The following KCNH1 variants were observed in gnomAD, a reference collection of about 807,000 sequenced individuals.
KCNH1 encodes the protein voltage-gated delayed rectifier potassium channel KCNH1.
KCNH1 carries 27 observed loss-of-function variants against 69.2 expected under a neutral mutation model. That is an observed-to-expected ratio of 0.39 (90% CI 0.29 to 0.54). The LOEUF is 0.54. Among genes scored for constraint, KCNH1 ranks in the 20% least tolerant of loss-of-function variants. The pLI, the probability that KCNH1 is intolerant of heterozygous loss-of-function variation, is 0.68. For missense variants in KCNH1, 798 were observed against 1,261.6 expected (o/e 0.63, Z 5.57); for synonymous variants, 456 against 487.7 (o/e 0.93, Z 0.86).
chr1:210,853,099 C>A (rs1462367198), intron 7 of KCNH1, among the ~76,000 whole-genome samples: 1 of 152,090 alleles, frequency 6.6e-6, no homozygotes, highest in African/African-American at 2.4e-5. Flanking sequence ...TAATGTTTGG[C>A]GGCTATGGTA....
At chr1:211,113,009 G>C (rs1405178538) in intron 1 of KCNH1, among the ~76,000 whole-genome samples, 1 of 152,158 alleles carries the variant, frequency 6.6e-6, no homozygotes, top group East Asian at 1.9e-4. Context: ...TGAGATTTTA[G>C]ATATTAATAA....
intron 7 of KCNH1, among the ~76,000 whole-genome samples, chr1:210,805,121 A>T (rs1684521025): frequency 6.6e-6 from 1 of 152,172 alleles, no homozygotes; most frequent in Non-Finnish European, 1.5e-5. Flanking sequence ...TATAGAACTC[A>T]TATTACACCA....
intron 7 of KCNH1, among the ~76,000 whole-genome samples, chr1:210,836,329 T>C (rs1685282505): frequency 6.6e-6 from 1 of 152,148 alleles, no homozygotes; most frequent in Non-Finnish European, 1.5e-5. Flanking sequence ...TAATTATTTG[T>C]GCTGAAATCT....
chr1:211,078,927 A>G (rs1690791225), intron 5 of KCNH1, among the ~76,000 whole-genome samples: 1 of 150,452 alleles, frequency 6.6e-6, no homozygotes, highest in Non-Finnish European at 1.5e-5. Flanking sequence ...CAAAAAAAAA[A>G]AAAAAAAAAA....
chr1:211,102,537 G>GCCAGTGCAAATCTCTCAGA (rs1228543450), intron 3 of KCNH1, among the ~76,000 whole-genome samples: 1 of 152,080 alleles, frequency 6.6e-6, no homozygotes, highest in African/African-American at 2.4e-5. Flanking sequence ...CTTGTGGATG[G>GCCAGTGCAAATCTCTCAGA]CCAGTGCAAA....
At chr1:210,706,369 T>C (rs757702448) in intron 10 of KCNH1, among the ~76,000 whole-genome samples, 12 of 152,230 alleles carry the variant, frequency 7.9e-5, no homozygotes, top group Non-Finnish European at 1.6e-4. Context: ...TAACCTTTAA[T>C]ATTTGCAGGA....
Position 210,683,272 on chromosome 1 carries a change from A to G in KCNH1, c.*9T>C, listed in dbSNP as rs1223083505. 3.1e-6 allele frequency: 5 copies of G among 1,606,864 alleles called. No homozygotes were observed. The highest frequency in any genetic ancestry group is 1.1e-5 in the South Asian group (1 of 90,316). Reference sequence around the variant, plus strand: ...TATCTGTCTCTGACTTTTTTTTTAAATAGACCTCTCAGCTGGCTCCAAAAA... The same window carrying G: ...TATCTGTCTCTGACTTTTTTTTTAAGTAGACCTCTCAGCTGGCTCCAAAAA... On this transcript the variant is annotated 3_prime_UTR_variant, in exon 11 of 11. Coordinates refer to ENST00000271751, the MANE Select transcript of KCNH1 (RefSeq NM_172362.3). The surrounding 1 kb of genome is among the most constrained non-coding windows in gnomAD (Gnocchi z 5.7).
intron 5 of KCNH1, among the ~76,000 whole-genome samples, chr1:211,027,915 G>A (rs901710635): frequency 5.9e-5 from 9 of 152,100 alleles, no homozygotes; most frequent in Middle Eastern, 3.2e-3. Flanking sequence ...AACTAGCAAA[G>A]ATATAGAAGA....
intron 6 of KCNH1, among the ~76,000 whole-genome samples, chr1:211,009,257 C>T (rs931530490): frequency 6.6e-6 from 1 of 152,126 alleles, no homozygotes; most frequent in Non-Finnish European, 1.5e-5. Flanking sequence ...CCTTTGACAA[C>T]AACAGTTACA....
At chr1:210,916,550 T>C (rs1290159351) in intron 7 of KCNH1, among the ~76,000 whole-genome samples, 1 of 152,206 alleles carries the variant, frequency 6.6e-6, no homozygotes, top group African/African-American at 2.4e-5. Context: ...GGGGTCTGTG[T>C]TGTTAGACCA....
At chr1:211,118,186 G>A (rs1691618130) in intron 1 of KCNH1, among the ~76,000 whole-genome samples, 1 of 152,180 alleles carries the variant, frequency 6.6e-6, no homozygotes, top group Non-Finnish European at 1.5e-5. Context: ...ATGCCTAAAT[G>A]TGTCTTTGAA....
At chr1:210,854,666 G>A (rs1009259124) in intron 7 of KCNH1, among the ~76,000 whole-genome samples, 3 of 152,194 alleles carry the variant, frequency 2.0e-5, no homozygotes, top group African/African-American at 4.8e-5. Flanking sequence ...TGGGCATTGT[G>A]GCCATGGTTA....
At chr1:210,904,962 A>G (rs1421164982) in intron 7 of KCNH1, among the ~76,000 whole-genome samples, 1 of 152,056 alleles carries the variant, frequency 6.6e-6, no homozygotes, top group Non-Finnish European at 1.5e-5. Flanking sequence ...AGAACAAGAG[A>G]CCACCTCCAC....
chr1:210,710,345 C>T (rs952697494), intron 10 of KCNH1, among the ~76,000 whole-genome samples: 2 of 151,478 alleles, frequency 1.3e-5, no homozygotes. Flanking sequence ...CTGTACACTA[C>T]TATAGACTAT....
chr1:210,735,150 C>G (rs1682842443), intron 10 of KCNH1, among the ~76,000 whole-genome samples: 2 of 152,166 alleles, frequency 1.3e-5, no homozygotes, highest in African/African-American at 4.8e-5. Flanking sequence ...TGCCCCCACA[C>G]AGCCTCCCCT....
intron 6 of KCNH1, 40 bp downstream of exon 6, chr1:211,018,743 T>A: frequency 6.7e-7 from 1 of 1,495,156 alleles, no homozygotes; most frequent in South Asian, 1.3e-5. Context: ...AACTCAGTTT[T>A]AAAGACATGA....
chr1:211,102,147 G>A (rs538124033), intron 3 of KCNH1, among the ~76,000 whole-genome samples: 1 of 152,284 alleles, frequency 6.6e-6, no homozygotes, highest in African/African-American at 2.4e-5. Context: ...CAGCCCCAGA[G>A]ACAGCTAGGA....
chr1:210,920,670 GT>G (rs1344009206), intron 6 of KCNH1, among the ~76,000 whole-genome samples: 3 of 151,688 alleles, frequency 2.0e-5, no homozygotes, highest in Non-Finnish European at 2.9e-5. Flanking sequence ...AAAAAAATAA[GT>G]TTATAAATTT....
intron 10 of KCNH1, among the ~76,000 whole-genome samples, chr1:210,755,495 C>A (rs1683380166): frequency 6.6e-6 from 1 of 152,234 alleles, no homozygotes; most frequent in Non-Finnish European, 1.5e-5. Flanking sequence ...CACTCCGCGG[C>A]TACATTCATC....
Sources: allele counts gnomAD v4.1 joint callset (sites outside exome capture counted in the v4.1 genomes callset), GRCh38; gene constraint gnomAD v4.1.1; non-coding constraint Gnocchi (gnomAD v3.1); transcripts MANE v1.5; gene names NCBI Gene and HGNC (gene_info 2026-07-23, HGNC 2026-07-21).